Variants in TMEM135 observed in about 807,000 individuals in gnomAD.
TMEM135 encodes peroxisomal membrane protein 52.
TMEM135 carries 30 observed loss-of-function variants against 60.3 expected under a neutral mutation model. The ratio of observed to expected loss-of-function variants is 0.50; its 90% confidence interval spans 0.37 to 0.68. TMEM135 has a LOEUF of 0.68. TMEM135 is among the 30% of genes least tolerant of loss of function. TMEM135 has a pLI of 0.00. For missense variants in TMEM135, 468 were observed against 548.8 expected (o/e 0.85, Z 1.47); for synonymous variants, 190 against 186.7 (o/e 1.02, Z -0.14).
chr11:87,258,511 C>A (rs142273519), intron 6 of TMEM135, among the ~76,000 whole-genome samples: 1 of 152,290 alleles, frequency 6.6e-6, no homozygotes, highest in East Asian at 1.9e-4. Flanking sequence ...TGGTCAGGGG[C>A]ACATCCCTCC....
intron 4 of TMEM135, among the ~76,000 whole-genome samples, chr11:87,123,227 C>T (rs1937632134): frequency 6.6e-6 from 1 of 152,088 alleles, no homozygotes; most frequent in African/African-American, 2.4e-5. Context: ...TCTCTCAGTT[C>T]AGAGGCTAGA....
intron 6 of TMEM135, among the ~76,000 whole-genome samples, chr11:87,290,623 GAGTATT>G (rs989009079): frequency 1.2e-4 from 18 of 152,266 alleles, no homozygotes; most frequent in African/African-American, 4.3e-4. Context: ...ATTTGACCAA[GAGTATT>G]ATCCTGATAA....
chr11:87,325,593 C>T lies in TMEM135; in HGVS notation c.*4260C>T, dbSNP rs531809474. 191 of 453,930 alleles carry T rather than the reference C, an allele frequency of 4.2e-4. 1 individual carries two copies. Among genetic ancestry groups the T allele is most frequent in the African/African-American group, 3.5e-3 (173 of 50,036 alleles). The allele number at this position is 453,930 out of a possible 1,614,324, so 28.1% of individuals were successfully genotyped here. A position where few individuals can be genotyped will look rare whatever the true frequency, so the allele number is the denominator to read the frequency against. ...GCTTGCTGGTGTTACTTTATGTTAACTAGTCTCCTTGGACTTCATTGCAAC... is the reference window on the plus strand; with the variant it reads ...GCTTGCTGGTGTTACTTTATGTTAATTAGTCTCCTTGGACTTCATTGCAAC... On this transcript the variant is annotated 3_prime_UTR_variant, in exon 15 of 15. Transcript: ENST00000305494.
At chr11:87,063,559 G>C (rs1949968975) in intron 1 of TMEM135, among the ~76,000 whole-genome samples, 1 of 152,196 alleles carries the variant, frequency 6.6e-6, no homozygotes, top group Non-Finnish European at 1.5e-5. Flanking sequence ...CCTTTTTCAT[G>C]CTGTAGTGTG....
chr11:87,291,804 A>G (rs1942269705), intron 6 of TMEM135, among the ~76,000 whole-genome samples: 1 of 151,918 alleles, frequency 6.6e-6, no homozygotes, highest in African/African-American at 2.4e-5. Context: ...CAGCCTCCCA[A>G]AGTGCTGGGA....
chr11:87,127,542 G>A (rs1288188998), intron 4 of TMEM135, among the ~76,000 whole-genome samples: 4 of 152,200 alleles, frequency 2.6e-5, no homozygotes, highest in Non-Finnish European at 5.9e-5. Context: ...GTAGTTAGAA[G>A]TGAGTATAAT....
At position 87,245,976 on chromosome 11, in the gene TMEM135, G is replaced by C. The variant is rs1195431071; in HGVS notation, c.509+9292G>C. ...GGTCTTTACAATTTGGCATGATTTT[G>C]CAGCGGCTGGTACCGGTTGTGCCTT... On this transcript the variant is annotated intron_variant, in intron 6 of 14. Coordinates refer to ENST00000305494, the MANE Select transcript of TMEM135 (RefSeq NM_022918.4). 3.5e-3 allele frequency among the ~76,000 whole-genome samples: 440 copies of C among 126,906 alleles called. 6 individuals carry two copies. The highest frequency in any genetic ancestry group is 0.012 in the African/African-American group (408 of 33,124). The allele number at this position is 126,906 out of a possible 152,430, so 83.3% of individuals were successfully genotyped here.
At chr11:87,210,159 C>G (rs543516343) in intron 5 of TMEM135, among the ~76,000 whole-genome samples, 4 of 152,072 alleles carry the variant, frequency 2.6e-5, no homozygotes, top group African/African-American at 9.6e-5. Context: ...AGAAAATAAC[C>G]TAAATTAGAG....
intron 5 of TMEM135, among the ~76,000 whole-genome samples, chr11:87,235,726 T>A (rs1404093864): frequency 6.6e-6 from 1 of 151,954 alleles, no homozygotes; most frequent in Non-Finnish European, 1.5e-5. Context: ...CAATTTTAAT[T>A]TTTGTGATTT....
At chr11:87,288,801 A>G (rs576837273) in intron 6 of TMEM135, among the ~76,000 whole-genome samples, 1 of 152,260 alleles carries the variant, frequency 6.6e-6, no homozygotes, top group African/African-American at 2.4e-5. Context: ...CCTCTGAAGA[A>G]ATACTTTTTT....
At chr11:87,281,391 C>T (rs544908495) in intron 6 of TMEM135, among the ~76,000 whole-genome samples, 13 of 152,226 alleles carry the variant, frequency 8.5e-5, no homozygotes, top group South Asian at 2.1e-4. Flanking sequence ...CAGACAAACA[C>T]GTTTATGTAT....
intron 5 of TMEM135, among the ~76,000 whole-genome samples, chr11:87,190,374 G>T (rs1939770438): frequency 6.6e-6 from 1 of 152,188 alleles, no homozygotes; most frequent in Non-Finnish European, 1.5e-5. Context: ...GAGAGAGGGA[G>T]AGAGAAGGAG....
At chr11:87,178,330 T>C (rs1197680778) in intron 5 of TMEM135, 3 of 445,236 alleles carry the variant, frequency 6.7e-6, no homozygotes, top group Non-Finnish European at 1.3e-5. Context: ...AAAGTCCAGA[T>C]ATATTTTTAT....
chr11:87,255,432 C>G (rs1344792626), intron 6 of TMEM135, among the ~76,000 whole-genome samples: 1 of 152,144 alleles, frequency 6.6e-6, no homozygotes, highest in Middle Eastern at 3.2e-3. Context: ...TTATATCTTT[C>G]TGGACATGTT....
At chr11:87,057,958 G>T (rs755582279) in intron 1 of TMEM135, among the ~76,000 whole-genome samples, 10 of 152,154 alleles carry the variant, frequency 6.6e-5, no homozygotes, top group Non-Finnish European at 1.5e-4. Flanking sequence ...ACTAGAAGAG[G>T]ACAATGGTGT....
chr11:87,313,924 G>A (rs916164389), intron 11 of TMEM135, among the ~76,000 whole-genome samples: 3 of 151,558 alleles, frequency 2.0e-5, no homozygotes, highest in Admixed American at 6.6e-5. Flanking sequence ...TTCTATAAGT[G>A]CAATGTATGT....
At chr11:87,252,798 A>ATATGTGTGTGTGTGTG (rs1555124821) in intron 6 of TMEM135, among the ~76,000 whole-genome samples, 4 of 134,212 alleles carry the variant, frequency 3.0e-5, no homozygotes, top group Admixed American at 1.5e-4. Context: ...TAAAATATAT[A>ATATGTGTGTGTGTGTG]TGTGTGTGTG....
intron 5 of TMEM135, among the ~76,000 whole-genome samples, chr11:87,228,566 T>A (rs1040866131): frequency 6.6e-6 from 1 of 151,984 alleles, no homozygotes; most frequent in Non-Finnish European, 1.5e-5. Flanking sequence ...CGGGGGGAGA[T>A]GAGTTTGGTG....
intron 5 of TMEM135, among the ~76,000 whole-genome samples, chr11:87,159,506 G>A (rs1027832253): frequency 2.0e-5 from 3 of 151,946 alleles, no homozygotes; most frequent in Admixed American, 2.0e-4. Flanking sequence ...GTTAGGATAG[G>A]CCACTAATTA....
Sources: gnomAD v4.1 joint callset for allele counts (sites outside exome capture counted in the v4.1 genomes callset) on GRCh38, gnomAD v4.1.1 for gene constraint, MANE v1.5 for transcripts, NCBI Gene and HGNC (gene_info 2026-07-23, HGNC 2026-07-21) for gene names.